The following PCID2 variants were observed in gnomAD, a reference collection of about 807,000 sequenced individuals.
PCID2 encodes the protein PCI domain containing 2, also known as PCI domain-containing protein 2.
In PCID2, 41 loss-of-function variants were observed where a neutral mutation model predicts 61.3. The observed-to-expected ratio is 0.67, with a 90% CI of 0.52 to 0.87. The LOEUF (loss-of-function observed/expected upper bound fraction) is 0.87. Ranked by LOEUF, PCID2 falls within the 40% of genes least tolerant of loss-of-function variation. The pLI is 0.00. For missense variants in PCID2, 392 were observed against 493.4 expected (o/e 0.79, Z 1.95); for synonymous variants, 187 against 177.8 (o/e 1.05, Z -0.41).
intron 4 of PCID2, 191 bp downstream of exon 4, chr13:113,196,987 C>A (rs763854681): frequency 6.9e-7 from 1 of 1,459,400 alleles, no homozygotes; most frequent in Admixed American, 1.7e-5. Flanking sequence ...AAGTACTGCA[C>A]GAGTCTTCAG....
intron 1 of PCID2, chr13:113,208,347 T>A: frequency 2.8e-6 from 4 of 1,433,132 alleles, no homozygotes; most frequent in Non-Finnish European, 3.6e-6. Context: ...CCGCGTCTAC[T>A]TACACCGCGA....
At chr13:113,198,148 A>G (rs1566975027) in intron 3 of PCID2, 43 bp downstream of exon 3, 2 of 1,276,808 alleles carry the variant, frequency 1.6e-6, no homozygotes, top group Non-Finnish European at 2.2e-6. Flanking sequence ...TTAATTCAGC[A>G]ATTTCCAGAT....
In PCID2 at chr13:113,197,196, C is replaced by A; in HGVS notation, c.248G>T (p.Cys83Phe). The A allele has an allele frequency of 1.2e-6, 2 of 1,614,158 alleles. No individual in the cohort carries two copies. Among genetic ancestry groups the A allele is most frequent in the Non-Finnish European group, 1.7e-6 (2 of 1,179,986 alleles). ...AGGATATTGGACTATCACGGTCTGG[C>A]ACTTGTATGCCTCTATGAAGTCATG... ...GNHDFIEAYK[C>F]QTVIVQSFLR... The change falls in exon 4 of 14, where the codon TGC becomes TTC. Residue 83 changes from cysteine (C) to phenylalanine (F), a missense_variant. Cys to Phe is a radical substitution (Grantham distance 205, BLOSUM62 -2). This residue lies in a region of PCID2 where 155 missense variants were observed against 164.9 expected (regional missense o/e 0.94). Transcript: ENST00000337344.
intron 7 of PCID2, among the ~76,000 whole-genome samples, chr13:113,190,245 A>C (rs966606739): frequency 3.3e-5 from 5 of 151,786 alleles, no homozygotes; most frequent in Non-Finnish European, 7.4e-5. Flanking sequence ...AAAAAAAAAA[A>C]AACCAACTAT....
At chr13:113,200,063 C>T (rs1398479909) in intron 2 of PCID2, among the ~76,000 whole-genome samples, 1 of 152,200 alleles carries the variant, frequency 6.6e-6, no homozygotes, top group Non-Finnish European at 1.5e-5. Context: ...GGCTTGCCAG[C>T]CTTTCTGACT....
At chr13:113,208,092 T>C (rs750072299) in intron 1 of PCID2, 12 of 1,612,158 alleles carry the variant, frequency 7.4e-6, no homozygotes, top group African/African-American at 4.0e-5. Context: ...GCTCGGAGAG[T>C]GAAGGGCGTT....
the PCID2 span, among the ~76,000 whole-genome samples, chr13:113,168,815 A>G: frequency 1.2e-4 from 18 of 152,048 alleles, no homozygotes; most frequent in Admixed American, 2.6e-4. Context: ...TGCAGCCTCA[A>G]CCTCCTGGGT....
the PCID2 span, chr13:113,166,414 AG>A: frequency 6.6e-6 from 1 of 152,154 alleles, no homozygotes; most frequent in Non-Finnish European, 1.5e-5. Context: ...GCACAGCCTC[AG>A]GGGCCCCCCT....
chr13:113,186,811 A>G (rs775080011), intron 7 of PCID2: 1 of 152,196 alleles, frequency 6.6e-6, no homozygotes, highest in South Asian at 2.1e-4. Flanking sequence ...TCGGTTTACG[A>G]AGTACACTCT....
the PCID2 span, among the ~76,000 whole-genome samples, chr13:113,167,736 T>A: frequency 6.6e-6 from 1 of 152,242 alleles, no homozygotes; most frequent in Non-Finnish European, 1.5e-5. Flanking sequence ...TTATCCAGTG[T>A]GAAAAACCTC....
chr13:113,184,626 A>C, intron 8 of PCID2, 139 bp from the exon 9 acceptor site: 1 of 607,960 alleles, frequency 1.6e-6, no homozygotes, highest in Non-Finnish European at 2.9e-6. Context: ...ATAAAACCAA[A>C]ACAGAGAGCA....
At chr13:113,202,277 G>A (rs1003832526) in intron 1 of PCID2, among the ~76,000 whole-genome samples, 1 of 152,214 alleles carries the variant, frequency 6.6e-6, no homozygotes, top group Non-Finnish European at 1.5e-5. Flanking sequence ...TCAACTCAGG[G>A]TATGACAGGG....
At chr13:113,198,164 T>C (rs780865509) in intron 3 of PCID2, 27 bp downstream of exon 3, 3 of 1,450,350 alleles carry the variant, frequency 2.1e-6, no homozygotes, top group Non-Finnish European at 2.8e-6. Flanking sequence ...CAGATGTGTG[T>C]GTTTTTCTTC....
chr13:113,189,702 C>A (rs2038430105), intron 7 of PCID2, among the ~76,000 whole-genome samples: 2 of 131,746 alleles, frequency 1.5e-5, no homozygotes, highest in African/African-American at 2.9e-5. Flanking sequence ...ATACAAATTA[C>A]CTAAAATGAA....
chr13:113,195,052 G>C lies in PCID2; in HGVS notation c.363+19C>G, dbSNP rs1161577847. On this transcript the variant is annotated intron_variant, in intron 6 of 13. Coordinates refer to ENST00000337344, the MANE Select transcript of PCID2 (RefSeq NM_001127202.4). ...CAAGTTTTAGTTTTAAAATAATAAT[G>C]ACAGCAAATTAAACTTACATTATTG... 6.6e-7 allele frequency: 1 copy of C among 1,525,554 alleles called. No individual in the cohort carries two copies. The highest frequency in any genetic ancestry group is 9.1e-7 in the Non-Finnish European group (1 of 1,099,142). 94.5% of individuals were successfully genotyped at this position (1,525,554 alleles called of 1,614,324 possible). A position where few individuals can be genotyped will look rare whatever the true frequency, so the allele number is the denominator to read the frequency against.
chr13:113,202,565 G>T (rs945596130), intron 1 of PCID2, among the ~76,000 whole-genome samples: 11 of 152,152 alleles, frequency 7.2e-5, no homozygotes, highest in Admixed American at 6.5e-4. Flanking sequence ...AAGATCTCTA[G>T]GAATTTACAT....
chr13:113,194,250 T>C (rs143587437), intron 6 of PCID2, among the ~76,000 whole-genome samples: 156 of 152,318 alleles, frequency 1.0e-3, no homozygotes, highest in Non-Finnish European at 2.0e-3. Context: ...AGTGAGGCAG[T>C]GACGGTCAGA....
chr13:113,186,374 A>G (rs529858334), intron 7 of PCID2: 2 of 152,444 alleles, frequency 1.3e-5, no homozygotes, highest in South Asian at 4.1e-4. Flanking sequence ...AACCTAGGGG[A>G]GGGTGTGCCA....
Position 113,177,993 on chromosome 13 carries a change from C to T in PCID2, c.*205G>A, listed in dbSNP as rs931716611. On this transcript the variant is annotated 3_prime_UTR_variant, in exon 14 of 14. Coordinates refer to ENST00000337344, the MANE Select transcript of PCID2 (RefSeq NM_001127202.4). The stretch of plus-strand genomic sequence containing the variant: ...CAGCCGAGTCTGTGAAAAAGGAATT[C>T]CAGGTTTTCATCAGGCTGAAATTAG... The T allele has an allele frequency of 2.3e-6, 1 of 438,120 alleles. No homozygotes were observed. The allele number at this position is 438,120 out of a possible 1,614,324, so 27.1% of individuals were successfully genotyped here.
Sources: gnomAD v4.1 joint callset for allele counts (sites outside exome capture counted in the v4.1 genomes callset) on GRCh38, gnomAD v4.1.1 for gene constraint, gnomAD v4.1.1 regional missense constraint, MANE v1.5 for transcripts, NCBI Gene and HGNC (gene_info 2026-07-23, HGNC 2026-07-21) for gene names.